Variants in CD81 observed in about 807,000 individuals in gnomAD.
The protein encoded by CD81 is CD81 antigen.
In CD81, 10 loss-of-function variants were observed where a neutral mutation model predicts 30.1. That is an observed-to-expected ratio of 0.33 (90% CI 0.21 to 0.56). The LOEUF is 0.56. Ranked by LOEUF, CD81 falls within the 20% of genes least tolerant of loss-of-function variation. The probability of loss-of-function intolerance (pLI) is 0.89; values close to 1 mark genes in which losing one functional copy is unlikely to be tolerated. For missense variants in CD81, 263 were observed against 308.7 expected (o/e 0.85, Z 1.11); for synonymous variants, 147 against 126.4 (o/e 1.16, Z -1.10).
chr11:2,394,242 T>C, intron 3 of CD81, 50 bp downstream of exon 3: 1 of 1,312,552 alleles, frequency 7.6e-7, no homozygotes, highest in Non-Finnish European at 1.1e-6. Context: ...GGCTGGGGGC[T>C]GCGTCTGGCC....
intron 4 of CD81, 151 bp from the exon 5 acceptor site, chr11:2,395,265 G>A (rs1041043704): frequency 1.3e-5 from 10 of 749,668 alleles, no homozygotes; most frequent in Admixed American, 8.1e-5. Context: ...CGGGGCAGCT[G>A]AGAGTGCAGA....
At chr11:2,386,540 ATTG>A in intron 1 of CD81, 1 of 716,944 alleles carries the variant, frequency 1.4e-6, no homozygotes, top group Non-Finnish European at 2.6e-6. Flanking sequence ...CATCACCACC[ATTG>A]TTGTCACCTA....
At chr11:2,386,205 G>A (rs1473566413) in intron 1 of CD81, 5 of 714,206 alleles carry the variant, frequency 7.0e-6, no homozygotes, top group South Asian at 5.9e-5. Flanking sequence ...ATCTTGCGGG[G>A]AAGGGTCTGT....
chr11:2,396,607 C>T (rs770229499), intron 6 of CD81, 21 bp from the exon 7 acceptor site: 17 of 1,602,900 alleles, frequency 1.1e-5, no homozygotes, highest in Admixed American at 5.0e-5. Context: ...CCTGACCACG[C>T]GTGCCTGGCC....
chr11:2,396,851 C>T lies in CD81; in HGVS notation c.696C>T (p.Asn232=). 1.2e-6 allele frequency: 2 copies of T among 1,612,788 alleles called. No individual in the cohort carries two copies. The highest frequency in any genetic ancestry group is 2.2e-5 in the East Asian group (1 of 44,886). ...TGGTGCTGTGCTGTGGCATCCGGAACAGCTCCGTGTACTGAGGCCCCGCAG... is the reference window on the plus strand; with the variant it reads ...TGGTGCTGTGCTGTGGCATCCGGAATAGCTCCGTGTACTGAGGCCCCGCAG... ...LSMVLCCGIR[N]SSVY The change falls in exon 8 of 8, where the codon AAC becomes AAT. Residue 232 remains asparagine (N), a synonymous_variant. Transcript: ENST00000263645.
rs571573244 is a variant in CD81, at chr11:2,390,605, A to T, written c.181+79A>T. The stretch of plus-strand genomic sequence containing the variant: ...AGGTCCTAGCCTTTTGGATGGGGAC[A>T]TGGAGGGTGAAAGACAGTCGGGCAT... On this transcript the variant is annotated intron_variant, in intron 2 of 7. Coordinates refer to ENST00000263645, the MANE Select transcript of CD81 (RefSeq NM_004356.4). 6.9e-6 allele frequency: 7 copies of T among 1,016,438 alleles called. No individual in the cohort carries two copies. The African/African-American group carries it at 1.1e-4, about 16-fold the overall frequency. The allele number at this position is 1,016,438 out of a possible 1,614,324, so 63.0% of individuals were successfully genotyped here. A position where few individuals can be genotyped will look rare whatever the true frequency, so the allele number is the denominator to read the frequency against.
At position 2,396,905 on chromosome 11, in the gene CD81, CCCT is replaced by C. The variant is rs779737723; in HGVS notation, c.*40_*42del. On this transcript the variant is annotated 3_prime_UTR_variant, in exon 8 of 8. Coordinates refer to ENST00000263645, the MANE Select transcript of CD81 (RefSeq NM_004356.4). ...TGGCCACAGGGACCTCTGCAGTGCC[CCCT>C]AAGTGACCCGGACACTTCCGAGGGG... is the stretch of plus-strand genomic sequence containing the variant. The C allele has an allele frequency of 2.5e-6, 4 of 1,591,740 alleles. No individual in the cohort carries two copies. The Admixed American group carries it at 6.7e-5, about 27-fold the overall frequency.
rs1467741838 is a variant in CD81 at position 2,378,374 on chromosome 11, G to T, written c.66+759G>T. ...GCAGGAGTGGGGATCCCGCGGTTCTGAGTTGGCACAAGGAAGAGAGTGGCA... is the reference window on the plus strand; with the variant it reads ...GCAGGAGTGGGGATCCCGCGGTTCTTAGTTGGCACAAGGAAGAGAGTGGCA... On this transcript the variant is annotated intron_variant, in intron 1 of 7. Coordinates refer to ENST00000263645, the MANE Select transcript of CD81 (RefSeq NM_004356.4). This position sits in a 1 kb window ranked among gnomAD's most constrained non-coding sequence, Gnocchi z 4.9. Among the ~76,000 whole-genome samples the T allele has an allele frequency of 1.3e-5, 2 of 152,182 alleles. No homozygotes were observed. Among genetic ancestry groups the T allele is most frequent in the Non-Finnish European group, 2.9e-5 (2 of 68,020 alleles).
Position 2,396,912 on chromosome 11 carries a change from T to G in CD81, c.*46T>G. The stretch of plus-strand genomic sequence containing the variant: ...AGGGACCTCTGCAGTGCCCCCTAAG[T>G]GACCCGGACACTTCCGAGGGGGCCA... On this transcript the variant is annotated 3_prime_UTR_variant, in exon 8 of 8. Transcript: ENST00000263645. The G allele has an allele frequency of 1.3e-6, 2 of 1,573,766 alleles. No homozygotes were observed. The highest frequency in any genetic ancestry group is 1.7e-6 in the Non-Finnish European group (2 of 1,146,560).
rs138604169 is a variant in CD81 at position 2,397,324 on chromosome 11, AAC to A, written c.*461_*462del. On this transcript the variant is annotated 3_prime_UTR_variant, in exon 8 of 8. Coordinates refer to ENST00000263645, the MANE Select transcript of CD81 (RefSeq NM_004356.4). ...CTGCCTTCATGCACCTGTCCTTTCT[AAC>A]ACGTCGCCTTCAACTGTAATCACAA... 8.4e-3 allele frequency: 1,923 copies of A among 229,718 alleles called. 40 individuals are homozygous for A. Among genetic ancestry groups the A allele is most frequent in the African/African-American group, 0.041 (1,803 of 43,524 alleles). The allele number at this position is 229,718 out of a possible 1,614,324, so 14.2% of individuals were successfully genotyped here.
intron 6 of CD81, 23 bp downstream of exon 6, chr11:2,395,993 C>T (rs374936907): frequency 5.6e-5 from 85 of 1,506,170 alleles, no homozygotes; most frequent in Non-Finnish European, 7.0e-5. Context: ...GGTGGGGCCG[C>T]GCCTGACCCC....
At chr11:2,396,270 G>C in intron 6 of CD81, 1 of 566,564 alleles carries the variant, frequency 1.8e-6, no homozygotes, top group Non-Finnish European at 3.2e-6. Flanking sequence ...CTGACAGCCT[G>C]TAGCTGGCAG....
chr11:2,393,779 T>A (rs1849945262), intron 2 of CD81: 1 of 611,446 alleles, frequency 1.6e-6, no homozygotes, highest in Non-Finnish European at 2.9e-6. Context: ...GTGGTGGGTG[T>A]GGCAGGTGGC....
upstream of CD81, chr11:2,376,911 A>T (rs1745341184): frequency 6.6e-6 from 1 of 152,290 alleles, no homozygotes; most frequent in Non-Finnish European, 1.5e-5. Context: ...GCCCTCCCGG[A>T]TTGTCCAAGG....
At position 2,390,543 on chromosome 11, in the gene CD81, C is replaced by T. The variant is rs2133455811; in HGVS notation, c.181+17C>T. The T allele has an allele frequency of 6.4e-7, 1 of 1,560,622 alleles. No individual in the cohort carries two copies. The highest frequency in any genetic ancestry group is 1.7e-4 in the Middle Eastern group (1 of 5,980). ...TCTATGTAGGTGAGTGCACATGTGG[C>T]CGCAGACGCATTCAGGGAGGGCTTC... On this transcript the variant is annotated intron_variant, in intron 2 of 7. Coordinates refer to ENST00000263645, the MANE Select transcript of CD81 (RefSeq NM_004356.4).
chr11:2,394,851 C>T (rs1244102709), intron 3 of CD81, 121 bp from the exon 4 acceptor site: 6 of 874,590 alleles, frequency 6.9e-6, no homozygotes, highest in East Asian at 4.9e-5. Context: ...CTGGTCAGGT[C>T]GTGGGCTGGT....
At chr11:2,396,736 G>T in intron 7 of CD81, 22 bp downstream of exon 7, 1 of 1,611,604 alleles carries the variant, frequency 6.2e-7, no homozygotes. Flanking sequence ...GGGGCGGAGG[G>T]CCTGCTCTCT....
At chr11:2,390,235 AT>A (rs1385238758) in intron 1 of CD81, 176 bp from the exon 2 acceptor site, 8 of 680,302 alleles carry the variant, frequency 1.2e-5, no homozygotes, top group Non-Finnish European at 2.1e-5. Context: ...CACCCGCCCC[AT>A]GCTCCTGACT....
At chr11:2,381,061 G>A (rs997588020) in intron 1 of CD81, among the ~76,000 whole-genome samples, 3 of 152,234 alleles carry the variant, frequency 2.0e-5, no homozygotes, top group African/African-American at 7.2e-5. Context: ...CAGGCGCTGT[G>A]GGGGAGGGGG....
Sources: gnomAD v4.1 joint callset for allele counts (sites outside exome capture counted in the v4.1 genomes callset) on GRCh38, gnomAD v4.1.1 for gene constraint, Gnocchi (gnomAD v3.1) non-coding constraint, MANE v1.5 for transcripts, NCBI Gene and HGNC (gene_info 2026-07-23, HGNC 2026-07-21) for gene names.